The following DNAH5 variants were observed in gnomAD, a reference collection of about 807,000 sequenced individuals.
DNAH5 encodes dynein axonemal heavy chain 5, also known as axonemal beta dynein heavy chain 5.
DNAH5 carries 372 observed loss-of-function variants against 518.2 expected under a neutral mutation model. The observed-to-expected ratio is 0.72, with a 90% CI of 0.66 to 0.78. DNAH5 has a LOEUF of 0.78. Ranked by LOEUF, DNAH5 falls within the 30% of genes least tolerant of loss-of-function variation. The probability of loss-of-function intolerance (pLI) is 0.00; values close to 1 mark genes in which losing one functional copy is unlikely to be tolerated. For missense variants in DNAH5, 5,523 were observed against 5,687.0 expected (o/e 0.97, Z 0.93); for synonymous variants, 2,039 against 2,025.9 (o/e 1.01, Z -0.17).
At chr5:13,714,083 C>A (rs539782585) in intron 75 of DNAH5, among the ~76,000 whole-genome samples, 3 of 152,076 alleles carry the variant, frequency 2.0e-5, no homozygotes, top group African/African-American at 2.4e-5. Flanking sequence ...AATAATACTT[C>A]GCTTTATTTT....
chr5:13,864,250 C>A, intron 28 of DNAH5, 147 bp downstream of exon 28: 1 of 1,001,532 alleles, frequency 1.0e-6, no homozygotes. Context: ...GCCAAATAAG[C>A]ATTTGTTGAA....
intron 47 of DNAH5, among the ~76,000 whole-genome samples, chr5:13,801,317 C>T (rs1758718370): frequency 6.6e-6 from 1 of 152,212 alleles, no homozygotes; most frequent in South Asian, 2.1e-4. Flanking sequence ...TGAGAAGTGT[C>T]TACTTCCCCT....
At chr5:13,883,506 A>C (rs1322806547) in intron 19 of DNAH5, among the ~76,000 whole-genome samples, 1 of 152,258 alleles carries the variant, frequency 6.6e-6, no homozygotes, top group Non-Finnish European at 1.5e-5. Context: ...CCACTTTGGA[A>C]TTTCAGATAA....
chr5:13,858,214 T>A (rs2591557), intron 30 of DNAH5, among the ~76,000 whole-genome samples: 9,400 of 152,192 alleles, frequency 0.062, 309 homozygotes, highest in African/African-American at 0.079. Flanking sequence ...GTAGCACATA[T>A]ACACCATGGA....
chr5:13,742,919 GA>G (rs796173390), intron 65 of DNAH5, among the ~76,000 whole-genome samples: 12 of 150,426 alleles, frequency 8.0e-5, no homozygotes, highest in African/African-American at 1.5e-4. Flanking sequence ...GTTTATCTGA[GA>G]AAAAAAAATA....
At chr5:13,840,817 A>T in intron 34 of DNAH5, 89 bp downstream of exon 34, 1 of 1,085,182 alleles carries the variant, frequency 9.2e-7, no homozygotes, top group Admixed American at 2.0e-5. Flanking sequence ...TTTTCCTTGA[A>T]TTCAATCAAA....
chr5:13,882,668 T>C (rs1163378700), intron 21 of DNAH5, 60 bp downstream of exon 21: 26 of 1,341,776 alleles, frequency 1.9e-5, no homozygotes, highest in East Asian at 4.6e-5. Flanking sequence ...TTAAAAAACA[T>C]TTAAGCTCAA....
intron 43 of DNAH5, among the ~76,000 whole-genome samples, chr5:13,813,417 A>T (rs1760984137): frequency 2.0e-5 from 3 of 150,936 alleles, no homozygotes; most frequent in Admixed American, 6.6e-5. Context: ...GTGGTTTCCA[A>T]GCCTGGCTAT....
chr5:13,984,354 C>T (rs1319302918), intron 1 of DNAH5, among the ~76,000 whole-genome samples: 5 of 152,304 alleles, frequency 3.3e-5, no homozygotes, highest in African/African-American at 1.2e-4. Context: ...TATAAGAACG[C>T]TTGTGATTTA....
At position 13,916,367 on chromosome 5, in the gene DNAH5, A is replaced by C. The variant is rs1369843853; in HGVS notation, c.1178T>G (p.Ile393Ser). The C allele has an allele frequency of 6.7e-7, 1 of 1,498,488 alleles. No individual in the cohort carries two copies. Among genetic ancestry groups the C allele is most frequent in the Admixed American group, 1.7e-5 (1 of 59,544 alleles). The allele number at this position is 1,498,488 out of a possible 1,614,324, so 92.8% of individuals were successfully genotyped here. A position where few individuals can be genotyped will look rare whatever the true frequency, so the allele number is the denominator to read the frequency against. Residue 393 changes from isoleucine to serine, a missense_variant, in exon 9 of 79, where the codon ATC becomes AGC. By Grantham distance (142) the Ile-to-Ser change is moderately radical. Coordinates refer to ENST00000265104, the MANE Select transcript of DNAH5 (RefSeq NM_001369.3). ...ACTTACCTTTACAAACAGAGATGTG[A>C]TCTTCTCAGAGGTATTATAGTAATG... ...ISHYYNTSEK[I>S]TSLFVKVTNQ...
intron 52 of DNAH5, among the ~76,000 whole-genome samples, chr5:13,782,749 A>G (rs539317152): frequency 6.6e-6 from 1 of 152,222 alleles, no homozygotes; most frequent in Non-Finnish European, 1.5e-5. Context: ...AACACATGGT[A>G]AACCCTCAAA....
chr5:13,794,680 T>C (rs988261164), intron 47 of DNAH5, among the ~76,000 whole-genome samples: 2 of 152,182 alleles, frequency 1.3e-5, no homozygotes, highest in African/African-American at 4.8e-5. Flanking sequence ...AAAACCTTCC[T>C]TGAGGCCGGG....
intron 77 of DNAH5, 93 bp from the exon 78 acceptor site, chr5:13,700,964 C>G: frequency 9.8e-6 from 13 of 1,330,032 alleles, no homozygotes; most frequent in Non-Finnish European, 1.1e-5. Flanking sequence ...CCGAATCACT[C>G]TAACTCGAAG....
chr5:13,853,229 G>A (rs1381718531), intron 30 of DNAH5, among the ~76,000 whole-genome samples: 1 of 152,202 alleles, frequency 6.6e-6, no homozygotes, highest in Non-Finnish European at 1.5e-5. Context: ...CAGGCAAACA[G>A]GGTCTGGATT....
chr5:13,989,783 G>A (rs1020389803), intron 1 of DNAH5, among the ~76,000 whole-genome samples: 2 of 152,116 alleles, frequency 1.3e-5, no homozygotes, highest in East Asian at 1.9e-4. Flanking sequence ...ACACCCAGCC[G>A]AGGGAGACTA....
At chr5:13,901,635 A>G in intron 13 of DNAH5, 62 bp from the exon 14 acceptor site, 2 of 1,013,116 alleles carry the variant, frequency 2.0e-6, no homozygotes, top group Non-Finnish European at 2.9e-6. Context: ...AATACACAAT[A>G]AAAATATCTA....
chr5:13,828,236 A>C (rs950935955), intron 38 of DNAH5, among the ~76,000 whole-genome samples: 2 of 152,232 alleles, frequency 1.3e-5, no homozygotes, highest in Admixed American at 1.3e-4. Context: ...TAGGAATGTA[A>C]TTAGGTTGAA....
chr5:13,890,589 C>T (rs934915091), intron 17 of DNAH5, among the ~76,000 whole-genome samples: 3 of 152,110 alleles, frequency 2.0e-5, no homozygotes, highest in African/African-American at 4.8e-5. Flanking sequence ...TGGGAAACCC[C>T]CCCTCAACAA....
intron 5 of DNAH5, among the ~76,000 whole-genome samples, chr5:13,921,475 T>TCACTCACA (rs1554103993): frequency 8.1e-5 from 6 of 73,698 alleles, no homozygotes; most frequent in African/African-American, 2.0e-4. Flanking sequence ...TATCTCTCTC[T>TCACTCACA]CACACACACA....
Sources: gnomAD v4.1 joint callset for allele counts (sites outside exome capture counted in the v4.1 genomes callset) on GRCh38, gnomAD v4.1.1 for gene constraint, MANE v1.5 for transcripts, NCBI Gene and HGNC (gene_info 2026-07-23, HGNC 2026-07-21) for gene names.